TVP23C: variants seen among roughly 807,000 people sequenced by gnomAD.
TVP23C encodes the protein Golgi apparatus membrane protein TVP23 homolog C.
A neutral mutation model predicts 28.7 loss-of-function variants in TVP23C; 19 were observed. That is an observed-to-expected ratio of 0.66 (90% confidence interval 0.46 to 0.97). The LOEUF (loss-of-function observed/expected upper bound fraction) is 0.97. Among genes scored for constraint, TVP23C ranks in the 50% least tolerant of loss-of-function variants. The pLI, the probability that TVP23C is intolerant of heterozygous loss-of-function variation, is 0.00. For missense variants in TVP23C, 186 were observed against 241.3 expected (o/e 0.77, Z 1.52); for synonymous variants, 68 against 81.7 (o/e 0.83, Z 0.90).
chr17:15,551,577 T>C (rs982568247), intron 3 of TVP23C, among the ~76,000 whole-genome samples: 24 of 152,258 alleles, frequency 1.6e-4, no homozygotes, highest in African/African-American at 5.5e-4. Flanking sequence ...GGCAAGCCTA[T>C]CCAACCCTCT....
rs147535533 is a variant in TVP23C, at chr17:15,538,228, C to A, written c.*2184G>T. 7,932 of 1,608,236 alleles carry A rather than the reference C, an allele frequency of 4.9e-3. 47 individuals carry two copies. The highest frequency in any genetic ancestry group is 5.3e-3 in the Non-Finnish European group (6,218 of 1,177,902). On this transcript the variant is annotated 3_prime_UTR_variant, in exon 6 of 6. Transcript: ENST00000518321. The stretch of plus-strand genomic sequence containing the variant: ...ACACACCATGGACTTGGGGCCTAGG[C>A]CTAGGAAAACATTCTATATTTCTAA...
chr17:15,507,874 A>G (rs1208414969), intron 5 of TVP23C, among the ~76,000 whole-genome samples: 1 of 152,180 alleles, frequency 6.6e-6, no homozygotes, highest in Non-Finnish European at 1.5e-5. Flanking sequence ...TAACAAAAAA[A>G]AGAAAGTCTA....
intron 1 of TVP23C, 195 bp downstream of exon 1, chr17:15,563,242 G>A: frequency 9.4e-7 from 1 of 1,065,452 alleles, no homozygotes; most frequent in Non-Finnish European, 1.3e-6. Context: ...CGCCGCACGG[G>A]TCACGCCTCC....
chr17:15,544,353 A>G (rs1225581645), intron 5 of TVP23C, among the ~76,000 whole-genome samples: 1 of 152,244 alleles, frequency 6.6e-6, no homozygotes, highest in East Asian at 1.9e-4. Context: ...TAAAAAACAG[A>G]TCAAAGACTG....
downstream of TVP23C, among the ~76,000 whole-genome samples, chr17:15,533,426 T>C (rs963256888): frequency 1.8e-4 from 27 of 152,226 alleles, no homozygotes; most frequent in African/African-American, 6.3e-4. Context: ...TGATAGTTTT[T>C]AAAATGATAG....
At chr17:15,532,262 C>A (rs1344236265), downstream of TVP23C, among the ~76,000 whole-genome samples, 1 of 152,176 alleles carries the variant, frequency 6.6e-6, no homozygotes, top group Non-Finnish European at 1.5e-5. Flanking sequence ...TTGTTTATAA[C>A]AAACAACCTG....
At position 15,548,370 on chromosome 17, in the gene TVP23C, C is replaced by T. The variant is rs552078067; in HGVS notation, c.241-1222G>A. On this transcript the variant is annotated intron_variant, in intron 3 of 5. Coordinates refer to ENST00000518321, the MANE Select transcript of TVP23C (RefSeq NM_001135036.2). ...TAGTAGAGATGGGGTTTCTCCATGT[C>T]GGTCAGGTTGGTCTCGAACTCCCAA... is the stretch of plus-strand genomic sequence containing the variant. Among the ~76,000 whole-genome samples the T allele has an allele frequency of 2.9e-3, 436 of 152,100 alleles. 3 individuals are homozygous for T. Among genetic ancestry groups the T allele is most frequent in the Admixed American group, 4.4e-3 (68 of 15,284 alleles).
rs183726216 is a variant in TVP23C, at chr17:15,524,147, A to G, written c.463-20915T>C. On this transcript the variant is annotated intron_variant, in intron 5 of 5. Coordinates refer to the TVP23C transcript ENST00000225576. ...TACATGATAAATTCCTTTGACTTAG[A>G]ATGCCCTTTCACCATTTTGTTCCTG... is the stretch of plus-strand genomic sequence containing the variant. 6.9e-3 allele frequency among the ~76,000 whole-genome samples: 1,046 copies of G among 150,870 alleles called. 5 individuals are homozygous for G. The highest frequency in any genetic ancestry group is 0.011 in the Admixed American group (170 of 15,124).
At chr17:15,517,023 C>A (rs1370202001) in intron 5 of TVP23C, among the ~76,000 whole-genome samples, 1 of 152,202 alleles carries the variant, frequency 6.6e-6, no homozygotes, top group East Asian at 1.9e-4. Flanking sequence ...CCCCATCAGT[C>A]AGTTCTCTTG....
chr17:15,514,511 T>C (rs1169979737), intron 5 of TVP23C, among the ~76,000 whole-genome samples: 1 of 152,084 alleles, frequency 6.6e-6, no homozygotes, highest in Admixed American at 6.6e-5. Flanking sequence ...ACAAAAAGGC[T>C]AAACTGTATG....
In TVP23C at chr17:15,507,095, C is replaced by T. The variant is rs867302176; in HGVS notation, c.463-3863G>A. On this transcript the variant is annotated intron_variant, in intron 5 of 5. Transcript: ENST00000225576. ...TGCCATAATGGCACTGGTGCCTCTACGGGGAGAAATTTGATGTCGAGGACT... is the reference window on the plus strand; with the variant it reads ...TGCCATAATGGCACTGGTGCCTCTATGGGGAGAAATTTGATGTCGAGGACT... 5.7e-5 allele frequency: 61 copies of T among 1,079,634 alleles called. No homozygotes were observed. In the East Asian group the frequency reaches 9.2e-4, roughly 16 times the overall value. The allele number at this position is 1,079,634 out of a possible 1,614,324, so 66.9% of individuals were successfully genotyped here.
At chr17:15,502,832 C>CT (rs71150257) in exon 6 of TVP23C, 11 of 1,544,490 alleles carry the variant, frequency 7.1e-6, no homozygotes, top group African/African-American at 1.4e-5. Flanking sequence ...CTCTCTCTCT[C>CT]CTGCGAGGAG....
chr17:15,541,256 G>A (rs926573251), intron 5 of TVP23C, among the ~76,000 whole-genome samples: 2 of 152,164 alleles, frequency 1.3e-5, no homozygotes, highest in African/African-American at 4.8e-5. Flanking sequence ...GAAAAATTGA[G>A]ACAATGTGAG....
chr17:15,522,747 G>C (rs1597513465), intron 5 of TVP23C, among the ~76,000 whole-genome samples: 1 of 152,072 alleles, frequency 6.6e-6, no homozygotes, highest in African/African-American at 2.4e-5. Flanking sequence ...ACTTATATAA[G>C]TCAAAACACT....
In TVP23C at chr17:15,539,909, TGA is replaced by T. The variant is rs1304572503; in HGVS notation, c.*501_*502del. 1.5e-6 allele frequency: 1 copy of T among 673,470 alleles called. No homozygotes were observed. The highest frequency in any genetic ancestry group is 2.0e-5 in the African/African-American group (1 of 50,956). 41.7% of individuals were successfully genotyped at this position (673,470 alleles called of 1,614,324 possible). On this transcript the variant is annotated 3_prime_UTR_variant, in exon 6 of 6. Transcript: ENST00000518321. ...GAGATGGAGACCATCCTGGCTAACA[TGA>T]TGAAATCCCATCTCTACTGAAAATA...
intron 5 of TVP23C, among the ~76,000 whole-genome samples, chr17:15,505,607 G>A (rs1277976054): frequency 6.6e-6 from 1 of 152,218 alleles, no homozygotes; most frequent in Non-Finnish European, 1.5e-5. Flanking sequence ...CACTTGAGGA[G>A]CCCTTCAGCC....
intron 5 of TVP23C, among the ~76,000 whole-genome samples, chr17:15,544,685 G>C (rs893971588): frequency 6.6e-6 from 1 of 152,076 alleles, no homozygotes; most frequent in Admixed American, 6.5e-5. Context: ...CATAAATACT[G>C]AATACATTTC....
intron 1 of TVP23C, among the ~76,000 whole-genome samples, chr17:15,560,222 C>T (rs1984318944): frequency 6.7e-6 from 1 of 149,372 alleles, no homozygotes; most frequent in African/African-American, 2.4e-5. Context: ...CATGCCACCA[C>T]CCCCAGGTAA....
At chr17:15,503,092 G>C (rs1413119195) in exon 6 of TVP23C, 3 of 1,614,166 alleles carry the variant, frequency 1.9e-6, no homozygotes, top group Admixed American at 3.3e-5. Context: ...AAGAATTAAT[G>C]TCTACCTGAT....
Sources: allele counts gnomAD v4.1 joint callset (sites outside exome capture counted in the v4.1 genomes callset), GRCh38; gene constraint gnomAD v4.1.1; transcripts MANE v1.5; gene names NCBI Gene and HGNC (gene_info 2026-07-23, HGNC 2026-07-21).